DSC2: variants seen among roughly 807,000 people sequenced by gnomAD.
DSC2 encodes desmocollin 2.
DSC2 carries 51 observed loss-of-function variants against 87.6 expected under a neutral mutation model. That is an observed-to-expected ratio of 0.58 (90% CI 0.46 to 0.74). The LOEUF is 0.74. Among genes scored for constraint, DSC2 ranks in the 30% least tolerant of loss-of-function variants. The pLI, the probability that DSC2 is intolerant of heterozygous loss-of-function variation, is 0.00. For missense variants in DSC2, 1,066 were observed against 1,089.5 expected (o/e 0.98, Z 0.30); for synonymous variants, 383 against 393.2 (o/e 0.97, Z 0.31).
chr18:31,078,963 T>C (rs1208708335), intron 11 of DSC2, among the ~76,000 whole-genome samples: 1 of 152,180 alleles, frequency 6.6e-6, no homozygotes, highest in East Asian at 1.9e-4. Context: ...TATGATTATA[T>C]GAATTCATAG....
rs1046283207 is a variant in DSC2, at chr18:31,065,072, G to A, written c.*2943C>T. On this transcript the variant is annotated 3_prime_UTR_variant, in exon 16 of 16. Coordinates refer to ENST00000280904, the MANE Select transcript of DSC2 (RefSeq NM_024422.6). The stretch of plus-strand genomic sequence containing the variant: ...AAACTCTTTATGATTTTGCCTCCTC[G>A]AGAATTTTACCTGCCTTTTCAGTTA... 16 of 152,176 alleles carry A rather than the reference G, an allele frequency of 1.1e-4. No individual in the cohort carries two copies. Among genetic ancestry groups the A allele is most frequent in the Non-Finnish European group, 2.1e-4 (14 of 68,036 alleles). 9.4% of individuals were successfully genotyped at this position (152,176 alleles called of 1,614,324 possible).
chr18:31,081,647 T>C (rs960312897), intron 9 of DSC2, among the ~76,000 whole-genome samples: 2 of 152,218 alleles, frequency 1.3e-5, no homozygotes, highest in African/African-American at 2.4e-5. Flanking sequence ...TGGTTAAAGA[T>C]GCAGCAGAAA....
chr18:31,087,964 TA>T (rs1987462017), intron 5 of DSC2, 151 bp from the exon 6 acceptor site: 1 of 792,724 alleles, frequency 1.3e-6, no homozygotes, highest in African/African-American at 1.7e-5. Flanking sequence ...GATATAATTT[TA>T]ATGCCAAAGA....
intron 1 of DSC2, 59 bp from the exon 2 acceptor site, chr18:31,093,702 A>C: frequency 1.2e-6 from 1 of 809,372 alleles, no homozygotes; most frequent in South Asian, 3.1e-5. Flanking sequence ...TTTAATGTGT[A>C]TATTATTTAT....
intron 6 of DSC2, among the ~76,000 whole-genome samples, 184 bp downstream of exon 6, chr18:31,087,485 T>C (rs1034224054): frequency 2.0e-5 from 3 of 152,180 alleles, no homozygotes; most frequent in African/African-American, 7.2e-5. Flanking sequence ...ATGAAGAAAT[T>C]AGGCTTGCCA....
At chr18:31,101,131 A>G in intron 1 of DSC2, 1 of 964,600 alleles carries the variant, frequency 1.0e-6, no homozygotes, top group Non-Finnish European at 1.2e-6. Flanking sequence ...TCTGGGGACA[A>G]GAAATCAGAA....
chr18:31,079,388 G>A (rs1028078782), intron 11 of DSC2, among the ~76,000 whole-genome samples: 5 of 151,978 alleles, frequency 3.3e-5, no homozygotes, highest in Admixed American at 6.6e-5. Flanking sequence ...CGAGTAGCTC[G>A]GATTACAGGT....
intron 1 of DSC2, among the ~76,000 whole-genome samples, chr18:31,099,804 G>A (rs888633324): frequency 2.0e-5 from 3 of 152,088 alleles, no homozygotes; most frequent in Non-Finnish European, 4.4e-5. Context: ...TTTGTGGAAT[G>A]GTGAAGGATT....
chr18:31,087,864 A>G (rs1987458610), intron 5 of DSC2, 51 bp from the exon 6 acceptor site: 4 of 1,594,550 alleles, frequency 2.5e-6, no homozygotes, highest in Middle Eastern at 1.8e-4. Context: ...TTTTAAAATG[A>G]GGTATGCTTC....
rs1378182400 is a variant in DSC2 at position 31,074,712 on chromosome 18, T to C, written c.1859A>G (p.Gln620Arg). 2 of 1,613,996 alleles carry C rather than the reference T, an allele frequency of 1.2e-6. No homozygotes were observed. Among genetic ancestry groups the C allele is most frequent in the South Asian group, 1.1e-5 (1 of 91,076 alleles). The part of the protein sequence containing the change: ...FSLESSTSEV[Q>R]RMWRLKAIND... Reference sequence around the variant, plus strand: ...AATTGCTTTCAGTCTCCACATTCTCTGTACTTCTGAAGTAGAACTCTCCAG... The same window carrying C: ...AATTGCTTTCAGTCTCCACATTCTCCGTACTTCTGAAGTAGAACTCTCCAG... Residue 620 changes from glutamine (Q) to arginine (R), a missense_variant, in exon 12 of 16, where the codon CAG (glutamine) becomes CGG (arginine). Physicochemically the swap from Gln to Arg is conservative, Grantham distance 43 (BLOSUM62 1). Transcript: ENST00000280904.
In DSC2 at chr18:31,080,006, A is replaced by C. The variant is rs1987156806; in HGVS notation, c.1521-17T>G. On this transcript the variant is annotated splice_polypyrimidine_tract_variant and intron_variant, in intron 10 of 15. Transcript: ENST00000280904. ...TTCTTATACCTGTTGGTAATGATGAATTAAAATAATAAAATTTATCATATG... is the reference window on the plus strand; with the variant it reads ...TTCTTATACCTGTTGGTAATGATGACTTAAAATAATAAAATTTATCATATG... 6.2e-7 allele frequency: 1 copy of C among 1,611,868 alleles called. No homozygotes were observed. The highest frequency in any genetic ancestry group is 8.5e-7 in the Non-Finnish European group (1 of 1,178,744).
intron 8 of DSC2, 59 bp from the exon 9 acceptor site, chr18:31,082,482 G>A (rs1181219735): frequency 1.3e-5 from 18 of 1,432,530 alleles, no homozygotes; most frequent in Non-Finnish European, 1.8e-5. Flanking sequence ...AATTGAACAC[G>A]ATGTGAAGTA....
chr18:31,085,916 T>C (rs1987380299), intron 7 of DSC2, among the ~76,000 whole-genome samples: 2 of 152,180 alleles, frequency 1.3e-5, no homozygotes, highest in African/African-American at 2.4e-5. Context: ...AGAGACAGAA[T>C]ATAGATTTAA....
At chr18:31,082,449 A>C (rs778864029) in intron 8 of DSC2, 26 bp from the exon 9 acceptor site, 64 of 1,605,460 alleles carry the variant, frequency 4.0e-5, no homozygotes, top group Non-Finnish European at 5.4e-5. Flanking sequence ...CAAACAAAAA[A>C]TTTCGTTAGT....
intron 1 of DSC2, among the ~76,000 whole-genome samples, chr18:31,095,883 G>T (rs1987746282): frequency 6.6e-6 from 1 of 151,942 alleles, no homozygotes; most frequent in Non-Finnish European, 1.5e-5. Flanking sequence ...AGAGGAGGCA[G>T]AGCTTAAATG....
At position 31,101,998 on chromosome 18, in the gene DSC2, C is replaced by T; in HGVS notation, c.-27G>A. On this transcript the variant is annotated 5_prime_UTR_variant, in exon 1 of 16. Coordinates refer to ENST00000280904, the MANE Select transcript of DSC2 (RefSeq NM_024422.6). ...GAGAGGGCTCGGGGCAGGTCGCGGG[C>T]CGAGCGTCGGGCCGGGGTAGGAGGG... The T allele has an allele frequency of 1.3e-6, 2 of 1,484,218 alleles. No homozygotes were observed. Among genetic ancestry groups the T allele is most frequent in the Non-Finnish European group, 1.8e-6 (2 of 1,121,088 alleles). 91.9% of individuals were successfully genotyped at this position (1,484,218 alleles called of 1,614,324 possible).
chr18:31,079,887 TTTG>T lies in DSC2; in HGVS notation c.1620_1622del (p.Lys541del). 2 of 1,614,024 alleles carry T rather than the reference TTTG, an allele frequency of 1.2e-6. No homozygotes were observed. Among genetic ancestry groups the T allele is most frequent in the Non-Finnish European group, 8.5e-7 (1 of 1,179,966 alleles). ...GGACTGTAATATTATATATGCCATT[TTTG>T]ATGGTCTCTGCCTCTCTATCCAGGC... On this transcript the variant is annotated inframe_deletion, in exon 11 of 16. Transcript: ENST00000280904.
rs112862696 is a variant in DSC2, at chr18:31,087,273, G to A, written c.775+396C>T. ...TCACATTTAATCCTAGAGAACATCC[G>A]TACATATCTTTAAGACTACATCTCC... On this transcript the variant is annotated intron_variant, in intron 6 of 15. Coordinates refer to ENST00000280904, the MANE Select transcript of DSC2 (RefSeq NM_024422.6). Among the ~76,000 whole-genome samples, 396 of 152,228 alleles carry A rather than the reference G, an allele frequency of 2.6e-3. 3 individuals carry two copies. Among genetic ancestry groups the A allele is most frequent in the African/African-American group, 9.0e-3 (373 of 41,522 alleles).
Position 31,074,908 on chromosome 18 carries a change from C to G in DSC2, c.1664-1G>C, listed in dbSNP as rs776877367. ...AGTGTCCCCGTACATGTTCTCCCTC[C>G]TAGAAAAATGAAAATAAAAATAGTT... On this transcript the variant is annotated splice_acceptor_variant, in intron 11 of 15. Transcript: ENST00000280904. LOFTEE classifies it high-confidence loss of function. 2.5e-6 allele frequency: 4 copies of G among 1,611,962 alleles called. No individual in the cohort carries two copies. Among genetic ancestry groups the G allele is most frequent in the Non-Finnish European group, 2.5e-6 (3 of 1,178,954 alleles).
Sources: gnomAD v4.1 joint callset for allele counts (sites outside exome capture counted in the v4.1 genomes callset) on GRCh38, gnomAD v4.1.1 for gene constraint, MANE v1.5 for transcripts, NCBI Gene and HGNC (gene_info 2026-07-23, HGNC 2026-07-21) for gene names.